Variants in GMDS observed in about 807,000 individuals in gnomAD.
The protein encoded by GMDS is GDP-mannose 4,6-dehydratase.
GMDS carries 20 observed loss-of-function variants against 49.9 expected under a neutral mutation model. The ratio of observed to expected loss-of-function variants is 0.40; its 90% CI spans 0.28 to 0.58. The LOEUF is 0.58. Among genes scored for constraint, GMDS ranks in the 20% least tolerant of loss-of-function variants. The pLI, the probability that GMDS is intolerant of heterozygous loss-of-function variation, is 0.42. For synonymous variants in GMDS, 177 were observed against 178.6 expected (o/e 0.99, Z 0.07); for missense variants, 362 against 481.4 (o/e 0.75, Z 2.32).
chr6:1,719,369 G>A (rs895426119), intron 9 of GMDS, among the ~76,000 whole-genome samples: 6 of 152,158 alleles, frequency 3.9e-5, no homozygotes, highest in Non-Finnish European at 7.3e-5. Flanking sequence ...CGGTAGATGG[G>A]CATGACTACA....
At chr6:2,001,052 A>C (rs1766786534) in intron 4 of GMDS, among the ~76,000 whole-genome samples, 1 of 152,192 alleles carries the variant, frequency 6.6e-6, no homozygotes, top group African/African-American at 2.4e-5. Context: ...ACGGTTAACA[A>C]TGTGAAGAAC....
chr6:2,041,343 T>C (rs1484984057), intron 4 of GMDS, among the ~76,000 whole-genome samples: 1 of 152,240 alleles, frequency 6.6e-6, no homozygotes, highest in Non-Finnish European at 1.5e-5. Flanking sequence ...TGCAAGAGAA[T>C]GTGACTATTT....
At chr6:2,206,184 G>A (rs984242206) in intron 1 of GMDS, among the ~76,000 whole-genome samples, 5 of 152,052 alleles carry the variant, frequency 3.3e-5, no homozygotes, top group Non-Finnish European at 7.4e-5. Flanking sequence ...CTTGAACCCG[G>A]GAGGCAGAGG....
intron 7 of GMDS, among the ~76,000 whole-genome samples, chr6:1,904,510 C>T (rs1760658152): frequency 6.6e-6 from 1 of 152,216 alleles, no homozygotes; most frequent in East Asian, 1.9e-4. Context: ...CAAAGTTACT[C>T]CATTAAGCAA....
At chr6:1,856,506 T>C (rs958800503) in intron 7 of GMDS, among the ~76,000 whole-genome samples, 14 of 152,268 alleles carry the variant, frequency 9.2e-5, no homozygotes, top group African/African-American at 3.4e-4. Flanking sequence ...CTAACGTATT[T>C]GCCCAATTTG....
intron 6 of GMDS, among the ~76,000 whole-genome samples, chr6:1,945,100 C>T (rs1763016565): frequency 6.6e-6 from 1 of 152,088 alleles, no homozygotes; most frequent in East Asian, 1.9e-4. Flanking sequence ...AGGATGACTT[C>T]TAAGAATTGT....
At chr6:1,759,378 C>T (rs1212468876) in intron 7 of GMDS, among the ~76,000 whole-genome samples, 1 of 152,210 alleles carries the variant, frequency 6.6e-6, no homozygotes, top group East Asian at 1.9e-4. Flanking sequence ...CATACACCTG[C>T]TAAGTGTTAG....
intron 4 of GMDS, among the ~76,000 whole-genome samples, chr6:2,072,353 A>C (rs1256465600): frequency 6.6e-6 from 1 of 152,220 alleles, no homozygotes; most frequent in African/African-American, 2.4e-5. Context: ...TTTGAAGAAA[A>C]GTAAGATATC....
At chr6:1,864,782 T>C (rs1000525873) in intron 7 of GMDS, among the ~76,000 whole-genome samples, 1 of 152,168 alleles carries the variant, frequency 6.6e-6, no homozygotes, top group Non-Finnish European at 1.5e-5. Context: ...AGTAGGCTTG[T>C]CAGGCTAAGC....
At chr6:1,998,088 G>C (rs553255358) in intron 4 of GMDS, among the ~76,000 whole-genome samples, 4 of 152,002 alleles carry the variant, frequency 2.6e-5, no homozygotes, top group Non-Finnish European at 5.9e-5. Context: ...ATAAACATCG[G>C]GGAAGATCAA....
At chr6:2,203,167 T>C (rs1561654480) in intron 1 of GMDS, among the ~76,000 whole-genome samples, 2 of 152,212 alleles carry the variant, frequency 1.3e-5, no homozygotes, top group Non-Finnish European at 2.9e-5. Flanking sequence ...CCGATGCTTA[T>C]GTACTGGAGT....
intron 7 of GMDS, among the ~76,000 whole-genome samples, chr6:1,880,469 G>A (rs1658680735): frequency 2.6e-5 from 4 of 151,870 alleles, no homozygotes; most frequent in South Asian, 4.2e-4. Flanking sequence ...AAACAACAAC[G>A]ACAAAGAAAT....
intron 4 of GMDS, among the ~76,000 whole-genome samples, chr6:2,095,925 T>C (rs943434805): frequency 2.0e-5 from 3 of 152,132 alleles, no homozygotes; most frequent in African/African-American, 7.2e-5. Flanking sequence ...CTCAATGAAA[T>C]TTAAGATTTA....
intron 1 of GMDS, among the ~76,000 whole-genome samples, chr6:2,193,885 A>T (rs983813971): frequency 6.6e-6 from 1 of 151,730 alleles, no homozygotes; most frequent in African/African-American, 2.4e-5. Context: ...CACCACGCCC[A>T]GCTAATTTTT....
At chr6:2,193,516 T>C (rs748461247) in intron 1 of GMDS, among the ~76,000 whole-genome samples, 1 of 152,212 alleles carries the variant, frequency 6.6e-6, no homozygotes, top group Non-Finnish European at 1.5e-5. Flanking sequence ...CACATCTGAA[T>C]ACTGAGATGC....
intron 4 of GMDS, among the ~76,000 whole-genome samples, chr6:2,049,564 A>C (rs1351949327): frequency 6.6e-6 from 1 of 152,198 alleles, no homozygotes; most frequent in Non-Finnish European, 1.5e-5. Flanking sequence ...GGGACTCTAC[A>C]TATGTGATCA....
chr6:1,729,765 G>A (rs538934815), intron 8 of GMDS, among the ~76,000 whole-genome samples: 3 of 152,338 alleles, frequency 2.0e-5, no homozygotes, highest in South Asian at 2.1e-4. Flanking sequence ...ACAGCTCACC[G>A]AGCAGGGATC....
chr6:2,215,121 T>C (rs530011461), intron 1 of GMDS, among the ~76,000 whole-genome samples: 4 of 152,074 alleles, frequency 2.6e-5, no homozygotes, highest in African/African-American at 7.2e-5. Context: ...TTTGGGAATA[T>C]AACCAAATTC....
intron 1 of GMDS, among the ~76,000 whole-genome samples, chr6:2,184,780 A>T (rs1177768064): frequency 6.6e-6 from 1 of 152,250 alleles, no homozygotes. Context: ...ACAGTCAAAA[A>T]ATCTATCATA....
Sources: allele counts gnomAD v4.1 joint callset (sites outside exome capture counted in the v4.1 genomes callset), GRCh38; gene constraint gnomAD v4.1.1; transcripts MANE v1.5; gene names NCBI Gene and HGNC (gene_info 2026-07-23, HGNC 2026-07-21).